B3GALNT2: variants seen among roughly 807,000 people sequenced by gnomAD.
B3GALNT2 encodes UDP-GalNAc:beta-1,3-N-acetylgalactosaminyltransferase 2.
Under a neutral mutation model 61.1 loss-of-function variants are expected in B3GALNT2, and 53 were observed. That is an observed-to-expected ratio of 0.87 (90% CI 0.70 to 1.09). The LOEUF is 1.09. B3GALNT2 is among the 50% of genes least tolerant of loss of function. B3GALNT2 has a pLI of 0.00. For missense variants in B3GALNT2, 544 were observed against 623.0 expected (o/e 0.87, Z 1.35); for synonymous variants, 223 against 237.4 (o/e 0.94, Z 0.56).
rs59405398 is a variant in B3GALNT2, at chr1:235,448,220, C to CAAAAAAAAAAAAAAA, written c.*1971_*1985dup. On this transcript the variant is annotated 3_prime_UTR_variant, in exon 12 of 12. Coordinates refer to ENST00000366600, the MANE Select transcript of B3GALNT2 (RefSeq NM_152490.5). ...CTTAAGTAAGTAAGTAAGTCAGTCT[C>CAAAAAAAAAAAAAAA]AAAAAAAAAAAAAAAAAAAAGACAG... 2.4e-6 allele frequency: 1 copy of CAAAAAAAAAAAAAAA among 419,902 alleles called. No homozygotes were observed. Among genetic ancestry groups the CAAAAAAAAAAAAAAA allele is most frequent in the African/African-American group, 3.4e-5 (1 of 29,018 alleles). The allele number at this position is 419,902 out of a possible 1,614,324, so 26.0% of individuals were successfully genotyped here. A position where few individuals can be genotyped will look rare whatever the true frequency, so the allele number is the denominator to read the frequency against.
At chr1:235,504,097 CA>C (rs1271337266) in intron 1 of B3GALNT2, 43 bp downstream of exon 1, 1 of 1,196,638 alleles carries the variant, frequency 8.4e-7, no homozygotes, top group Non-Finnish European at 1.0e-6. Flanking sequence ...CCGGGCCTCC[CA>C]CCCCCCCGGC....
At chr1:235,453,954 T>C (rs1683047885) in intron 10 of B3GALNT2, among the ~76,000 whole-genome samples, 1 of 152,138 alleles carries the variant, frequency 6.6e-6, no homozygotes, top group South Asian at 2.1e-4. Context: ...GAGATGAAAC[T>C]TGGTGTGATG....
intron 1 of B3GALNT2, among the ~76,000 whole-genome samples, chr1:235,501,265 C>T (rs1685569334): frequency 6.6e-6 from 1 of 152,200 alleles, no homozygotes; most frequent in South Asian, 2.1e-4. Context: ...CTCAGGTGTA[C>T]TGGATTTCAC....
intron 7 of B3GALNT2, among the ~76,000 whole-genome samples, chr1:235,462,878 A>G (rs1250987836): frequency 1.3e-5 from 2 of 152,238 alleles, no homozygotes; most frequent in Non-Finnish European, 2.9e-5. Context: ...CATTTGATCC[A>G]GCGATCCCAT....
intron 1 of B3GALNT2, among the ~76,000 whole-genome samples, chr1:235,498,815 G>C (rs1199448896): frequency 8.4e-6 from 1 of 118,790 alleles, no homozygotes; most frequent in Non-Finnish European, 1.6e-5. Context: ...CTGCTCTCCA[G>C]TCTGGGTGAC....
At chr1:235,502,264 C>A (rs758712612) in intron 1 of B3GALNT2, among the ~76,000 whole-genome samples, 26 of 152,304 alleles carry the variant, frequency 1.7e-4, no homozygotes, top group Admixed American at 9.1e-4. Context: ...CCACCCACCA[C>A]GGCCTCCCAA....
At chr1:235,443,025 A>G, downstream of B3GALNT2, 2 of 1,009,144 alleles carry the variant, frequency 2.0e-6, no homozygotes, top group Non-Finnish European at 3.1e-6. Flanking sequence ...CAGAACTTAC[A>G]GGTTTTCATT....
intron 5 of B3GALNT2, among the ~76,000 whole-genome samples, chr1:235,474,950 CA>C (rs1684166991): frequency 2.5e-5 from 1 of 39,356 alleles, no homozygotes; most frequent in African/African-American, 9.6e-5. Context: ...AAATTAGAGA[CA>C]TATATATATA....
chr1:235,504,079 G>A, intron 1 of B3GALNT2, 62 bp downstream of exon 1: 11 of 1,199,638 alleles, frequency 9.2e-6, no homozygotes, highest in Non-Finnish European at 1.1e-5. Flanking sequence ...AAGCCCCGCG[G>A]CACCAAGCCG....
At chr1:235,468,601 C>T (rs1010286561) in intron 6 of B3GALNT2, among the ~76,000 whole-genome samples, 3 of 151,664 alleles carry the variant, frequency 2.0e-5, no homozygotes, top group Admixed American at 6.6e-5. Flanking sequence ...TACAGGCACC[C>T]GCCACCACAG....
intron 1 of B3GALNT2, among the ~76,000 whole-genome samples, chr1:235,499,602 C>A (rs185847788): frequency 7.6e-4 from 115 of 152,306 alleles, no homozygotes; most frequent in Non-Finnish European, 1.3e-3. Context: ...CGGTGAAAAT[C>A]ACTGACAAGA....
chr1:235,484,001 T>C (rs1684677341), intron 4 of B3GALNT2, among the ~76,000 whole-genome samples: 1 of 152,228 alleles, frequency 6.6e-6, no homozygotes, highest in Non-Finnish European at 1.5e-5. Flanking sequence ...AATACTCACT[T>C]ATCCTAAGAA....
chr1:235,442,016 T>C, the B3GALNT2 span: 4 of 783,844 alleles, frequency 5.1e-6, no homozygotes, highest in Non-Finnish European at 8.0e-6. Context: ...AAATTTTTTT[T>C]TTTTTTTTTG....
chr1:235,441,682 A>G, the B3GALNT2 span: 2 of 767,420 alleles, frequency 2.6e-6, no homozygotes, highest in South Asian at 3.1e-5. Context: ...CACTGAATAA[A>G]GGCAGCTCCA....
intron 6 of B3GALNT2, among the ~76,000 whole-genome samples, chr1:235,466,188 T>C (rs1435576612): frequency 6.6e-6 from 1 of 151,724 alleles, no homozygotes; most frequent in East Asian, 1.9e-4. Flanking sequence ...AACTCTACTG[T>C]ATATTGATTA....
At chr1:235,461,245 G>C (rs1302836796) in intron 7 of B3GALNT2, among the ~76,000 whole-genome samples, 1 of 152,148 alleles carries the variant, frequency 6.6e-6, no homozygotes. Flanking sequence ...AAGTTCTGTT[G>C]TCTCTAGACC....
intron 5 of B3GALNT2, 25 bp downstream of exon 5, chr1:235,480,029 A>AC (rs1684483476): frequency 5.0e-6 from 8 of 1,612,990 alleles, no homozygotes; most frequent in Non-Finnish European, 5.9e-6. Context: ...CATTGGTACT[A>AC]CAGTCTTTTC....
chr1:235,450,361 C>T, intron 11 of B3GALNT2, 21 bp from the exon 12 acceptor site: 2 of 1,612,464 alleles, frequency 1.2e-6, no homozygotes, highest in Non-Finnish European at 1.7e-6. Flanking sequence ...ACAACCAAAG[C>T]CGATCTGAGA....
chr1:235,495,395 A>G (rs1047494854), intron 1 of B3GALNT2, among the ~76,000 whole-genome samples: 3 of 152,224 alleles, frequency 2.0e-5, no homozygotes, highest in Non-Finnish European at 4.4e-5. Context: ...AATGTTAGTT[A>G]TTAAGTTTGG....
Sources: allele counts gnomAD v4.1 joint callset (sites outside exome capture counted in the v4.1 genomes callset), GRCh38; gene constraint gnomAD v4.1.1; transcripts MANE v1.5; gene names NCBI Gene and HGNC (gene_info 2026-07-23, HGNC 2026-07-21).